Variants in PRICKLE1 observed in about 807,000 individuals in gnomAD.
The protein encoded by PRICKLE1 is prickle planar cell polarity protein 1.
Under a neutral mutation model 70.2 loss-of-function variants are expected in PRICKLE1, and 14 were observed. That is an observed-to-expected ratio of 0.20 (90% CI 0.13 to 0.31). The LOEUF (loss-of-function observed/expected upper bound fraction) is 0.31. Ranked by LOEUF, PRICKLE1 falls within the 10% of genes least tolerant of loss-of-function variation. PRICKLE1 has a pLI of 1.00. For synonymous variants in PRICKLE1, 357 were observed against 379.9 expected, an observed-to-expected ratio of 0.94 and a Z score of 0.70; for missense variants, 821 against 1,026.2, an observed-to-expected ratio of 0.80 and a Z score of 2.73.
At chr12:42,536,297 T>C (rs1004221150) in intron 1 of PRICKLE1, among the ~76,000 whole-genome samples, 4 of 152,122 alleles carry the variant, frequency 2.6e-5, no homozygotes, top group Admixed American at 6.5e-5. Flanking sequence ...GGGGATAGAA[T>C]GTAAGGAGGG....
chr12:42,494,541 TCA>T, intron 1 of PRICKLE1, among the ~76,000 whole-genome samples: 1 of 152,248 alleles, frequency 6.6e-6, no homozygotes, highest in East Asian at 1.9e-4. Flanking sequence ...GTGTGGTGAC[TCA>T]CGCCTGTAAT....
intron 1 of PRICKLE1, among the ~76,000 whole-genome samples, chr12:42,565,692 C>T (rs1025762871): frequency 1.3e-5 from 2 of 152,132 alleles, no homozygotes; most frequent in Non-Finnish European, 2.9e-5. Context: ...TTTATTTTTG[C>T]TAATTGCTTT....
At chr12:42,503,680 G>A (rs986214320) in intron 1 of PRICKLE1, among the ~76,000 whole-genome samples, 8 of 152,174 alleles carry the variant, frequency 5.3e-5, no homozygotes, top group African/African-American at 1.9e-4. Context: ...GAGTCTTATA[G>A]TCATAGAAGG....
At chr12:42,483,276 A>G (rs1326869826) in intron 1 of PRICKLE1, 1 of 152,336 alleles carries the variant, frequency 6.6e-6, no homozygotes, top group South Asian at 2.1e-4. Flanking sequence ...CTCAGCTTCC[A>G]ACGAGAAGCC....
intron 1 of PRICKLE1, among the ~76,000 whole-genome samples, chr12:42,529,709 A>G (rs1939873264): frequency 1.3e-5 from 2 of 152,104 alleles, no homozygotes; most frequent in Admixed American, 6.5e-5. Context: ...AGCCTGGCCA[A>G]CGTGGTAAAA....
rs148044142 is a variant in PRICKLE1, at chr12:42,470,669, G to A, written c.133-310C>T. On this transcript the variant is annotated intron_variant, in intron 2 of 7. Transcript: ENST00000345127. Reference sequence around the variant, plus strand: ...GCCTGTAATCCCAGCACTCTGGGAGGCTGAGGCTGGTGGATCACCTGAGGT... The same window carrying A: ...GCCTGTAATCCCAGCACTCTGGGAGACTGAGGCTGGTGGATCACCTGAGGT... Among the ~76,000 whole-genome samples the A allele has an allele frequency of 5.9e-3, 897 of 152,338 alleles. 11 individuals carry two copies. Among genetic ancestry groups the A allele is most frequent in the African/African-American group, 0.021 (861 of 41,586 alleles).
At chr12:42,562,228 A>G (rs970280894) in intron 1 of PRICKLE1, among the ~76,000 whole-genome samples, 1 of 152,146 alleles carries the variant, frequency 6.6e-6, no homozygotes, top group Non-Finnish European at 1.5e-5. Flanking sequence ...TTTTCAAATC[A>G]GTCAAAAGGC....
intron 1 of PRICKLE1, among the ~76,000 whole-genome samples, chr12:42,570,119 G>A (rs1280850660): frequency 1.3e-5 from 2 of 152,224 alleles, no homozygotes; most frequent in African/African-American, 2.4e-5. Context: ...GGTTATGACC[G>A]CCTACCTGAA....
At chr12:42,533,590 G>T (rs981215059) in intron 1 of PRICKLE1, among the ~76,000 whole-genome samples, 9 of 152,022 alleles carry the variant, frequency 5.9e-5, no homozygotes, top group Non-Finnish European at 1.3e-4. Flanking sequence ...GTCATAAATG[G>T]TCATTATTTA....
intron 1 of PRICKLE1, among the ~76,000 whole-genome samples, chr12:42,527,916 A>AAT (rs1163552624): frequency 3.0e-4 from 6 of 20,166 alleles, no homozygotes; most frequent in Non-Finnish European, 4.5e-4. Context: ...TACTCTTTAT[A>AAT]ATATATATAT....
Position 42,460,684 on chromosome 12 carries a change from C to T in PRICKLE1, c.1640-19G>A. On this transcript the variant is annotated intron_variant, in intron 7 of 7. Coordinates refer to ENST00000345127, the MANE Select transcript of PRICKLE1 (RefSeq NM_153026.3). Reference sequence around the variant, plus strand: ...GAAGCCCCTAGAAGAGAGGCCAAAACAAGATGTGCTTCTCAATCATCCTAA... The same window carrying T: ...GAAGCCCCTAGAAGAGAGGCCAAAATAAGATGTGCTTCTCAATCATCCTAA... 6.2e-7 allele frequency: 1 copy of T among 1,604,700 alleles called. No homozygotes were observed. Among genetic ancestry groups the T allele is most frequent in the Non-Finnish European group, 8.5e-7 (1 of 1,179,828 alleles).
Position 42,460,594 on chromosome 12 carries a change from T to C in PRICKLE1, c.1711A>G (p.Thr571Ala), listed in dbSNP as rs774182139. 1 of 1,613,850 alleles carries C rather than the reference T, an allele frequency of 6.2e-7. No individual in the cohort carries two copies. Among genetic ancestry groups the C allele is most frequent in the Non-Finnish European group, 8.5e-7 (1 of 1,180,038 alleles). Residue 571 changes from threonine (T) to alanine (A), a missense_variant, in exon 8 of 8, where the codon ACA (threonine) becomes GCA (alanine). Coordinates refer to ENST00000345127, the MANE Select transcript of PRICKLE1 (RefSeq NM_153026.3). Reference sequence around the variant, plus strand: ...TTGCTCATCTTCTCACAATCTTCTGTTTCCATCTCCTCAAAATTTTGCAGA... The same window carrying C: ...TTGCTCATCTTCTCACAATCTTCTGCTTCCATCTCCTCAAAATTTTGCAGA... ...YSLQNFEEMETEDCEKMSNMG... is the reference protein window; with the variant it reads ...YSLQNFEEMEAEDCEKMSNMG...
intron 1 of PRICKLE1, among the ~76,000 whole-genome samples, chr12:42,560,768 TCACACACACACACACACA>T (rs71084672): frequency 1.1e-4 from 14 of 127,744 alleles, no homozygotes; most frequent in African/African-American, 3.6e-4. Flanking sequence ...GCCCATCTTC[TCACACACACACACACACA>T]CACACACACA....
Position 42,459,256 on chromosome 12 carries a change from GT to G in PRICKLE1, c.*552del, listed in dbSNP as rs68074167. The stretch of plus-strand genomic sequence containing the variant: ...TAAGTTATAAATAGCAATGTTTTTT[GT>G]TTTTTTTTTTCAATCTGTAGCTGGC... On this transcript the variant is annotated 3_prime_UTR_variant, in exon 8 of 8. Coordinates refer to ENST00000345127, the MANE Select transcript of PRICKLE1 (RefSeq NM_153026.3). 422,988 of 589,500 alleles carry G rather than the reference GT, an allele frequency of 0.72. 137,400 individuals carry two copies. The highest frequency in any genetic ancestry group is 0.76 in the Middle Eastern group (2,863 of 3,778). The allele number at this position is 589,500 out of a possible 1,614,324, so 36.5% of individuals were successfully genotyped here.
At chr12:42,482,397 G>A (rs942473275) in intron 1 of PRICKLE1, among the ~76,000 whole-genome samples, 1 of 152,218 alleles carries the variant, frequency 6.6e-6, no homozygotes, top group Non-Finnish European at 1.5e-5. Context: ...GTGCTCTAAT[G>A]AGCCCATTAT....
intron 1 of PRICKLE1, among the ~76,000 whole-genome samples, chr12:42,506,538 T>C (rs1478568694): frequency 6.7e-6 from 1 of 148,928 alleles, no homozygotes; most frequent in Non-Finnish European, 1.5e-5. Context: ...ATTACAGACG[T>C]GAGCCACCGC....
At chr12:42,497,848 G>A (rs1030614613) in intron 1 of PRICKLE1, among the ~76,000 whole-genome samples, 1 of 149,668 alleles carries the variant, frequency 6.7e-6, no homozygotes, top group African/African-American at 2.5e-5. Flanking sequence ...AAGCATGCTG[G>A]TATCTTTCCT....
rs780328472 is a variant in PRICKLE1, at chr12:42,472,456, T to C, written c.61A>G (p.Thr21Ala). 1.2e-6 allele frequency: 2 copies of C among 1,614,158 alleles called. No homozygotes were observed. The highest frequency in any genetic ancestry group is 1.7e-6 in the Non-Finnish European group (2 of 1,180,024). The change falls in exon 2 of 8, where the codon ACA becomes GCA. Residue 21 changes from threonine to alanine, a missense_variant. Physicochemically the swap from Thr to Ala is moderately conservative, Grantham distance 58. Coordinates refer to ENST00000345127, the MANE Select transcript of PRICKLE1 (RefSeq NM_153026.3). Reference protein sequence around the residue: ...KLAFGCQRSSTSDDDSGCALE... With the variant: ...KLAFGCQRSSASDDDSGCALE... The stretch of plus-strand genomic sequence containing the variant: ...GCACAGCCAGAGTCATCATCTGATG[T>C]GGAACTTCTCTGACAGCCAAAGGCC...
intron 1 of PRICKLE1, among the ~76,000 whole-genome samples, chr12:42,509,756 G>A (rs893421326): frequency 1.3e-5 from 2 of 152,030 alleles, no homozygotes; most frequent in African/African-American, 2.4e-5. Context: ...CTAAGAAATA[G>A]CTCATGTCAA....
Sources: gnomAD v4.1 joint callset for allele counts (sites outside exome capture counted in the v4.1 genomes callset) on GRCh38, gnomAD v4.1.1 for gene constraint, MANE v1.5 for transcripts, NCBI Gene and HGNC (gene_info 2026-07-23, HGNC 2026-07-21) for gene names.